The following HOMER1 variants were observed in gnomAD, a reference collection of about 807,000 sequenced individuals.
HOMER1 encodes homer protein homolog 1.
In HOMER1, 3 loss-of-function variants were observed where a neutral mutation model predicts 48.9. That is an observed-to-expected ratio of 0.06 (90% confidence interval 0.03 to 0.16). The LOEUF (loss-of-function observed/expected upper bound fraction) is 0.16. Ranked by LOEUF, HOMER1 falls within the 10% of genes least tolerant of loss-of-function variation. The pLI is 1.00. For missense variants in HOMER1, 247 were observed against 411.4 expected (o/e 0.60, Z 3.46); for synonymous variants, 134 against 146.4 (o/e 0.92, Z 0.61).
At chr5:79,456,510 T>G (rs909649724) in intron 2 of HOMER1, among the ~76,000 whole-genome samples, 1 of 152,206 alleles carries the variant, frequency 6.6e-6, no homozygotes, top group African/African-American at 2.4e-5. Context: ...AGCAGTATAT[T>G]TGAAAAGAAT....
Position 79,376,081 on chromosome 5 carries a change from T to G in HOMER1, c.993A>C (p.Glu331Asp). ...AFRNNLKTLL[E>D]ILDGKIFELT... Reference sequence around the variant, plus strand: ...GTTCAAATATCTTTCCATCCAGAATTTCTAAGAGTGTCTTCAGGTTATTGC... The same window carrying G: ...GTTCAAATATCTTTCCATCCAGAATGTCTAAGAGTGTCTTCAGGTTATTGC... The change falls in exon 9 of 9, where the codon GAA (glutamate) becomes GAC (aspartate). Residue 331 changes from glutamate (E) to aspartate (D), a missense_variant. Physicochemically the swap from Glu to Asp is conservative, Grantham distance 45 (BLOSUM62 2). Transcript: ENST00000334082. 6.2e-7 allele frequency: 1 copy of G among 1,613,806 alleles called. No individual in the cohort carries two copies.
intron 8 of HOMER1, among the ~76,000 whole-genome samples, chr5:79,394,081 T>C (rs1749318951): frequency 6.6e-6 from 1 of 152,204 alleles, no homozygotes; most frequent in Non-Finnish European, 1.5e-5. Context: ...ATGTTTTTCA[T>C]AGACATTTAT....
chr5:79,383,789 C>T (rs930850129), intron 8 of HOMER1, among the ~76,000 whole-genome samples: 4 of 152,144 alleles, frequency 2.6e-5, no homozygotes, highest in South Asian at 2.1e-4. Context: ...TTTTAAAAAT[C>T]GAAATCGTAT....
At chr5:79,470,761 A>C (rs1412908106) in intron 1 of HOMER1, among the ~76,000 whole-genome samples, 1 of 152,200 alleles carries the variant, frequency 6.6e-6, no homozygotes, top group Non-Finnish European at 1.5e-5. Context: ...AAATTAGTAA[A>C]GTCTTTCTGA....
chr5:79,442,687 A>C (rs6453450), intron 4 of HOMER1, among the ~76,000 whole-genome samples: 58,242 of 152,132 alleles, frequency 0.38, 11,921 homozygotes, highest in East Asian at 0.62. Flanking sequence ...TGGAAGACTC[A>C]GTCCATTCCA....
chr5:79,475,181 C>CTA (rs897375207), intron 1 of HOMER1, among the ~76,000 whole-genome samples: 1 of 151,762 alleles, frequency 6.6e-6, no homozygotes, highest in Admixed American at 6.6e-5. Context: ...GAAATGATTA[C>CTA]TATCCCATCC....
intron 5 of HOMER1, 59 bp from the exon 6 acceptor site, chr5:79,402,114 G>A: frequency 1.5e-6 from 2 of 1,378,078 alleles, no homozygotes; most frequent in South Asian, 2.5e-5. Context: ...ACCTTGAAGG[G>A]ACAGCAAGAC....
At chr5:79,413,592 C>T (rs1024251414) in intron 5 of HOMER1, among the ~76,000 whole-genome samples, 3 of 151,944 alleles carry the variant, frequency 2.0e-5, no homozygotes, top group Admixed American at 2.0e-4. Context: ...CCCCCACCCC[C>T]TACCCCCATA....
chr5:79,437,179 A>C (rs1013744604), intron 5 of HOMER1, among the ~76,000 whole-genome samples: 1 of 152,202 alleles, frequency 6.6e-6, no homozygotes, highest in African/African-American at 2.4e-5. Flanking sequence ...TGCATAAAGT[A>C]AACTAGAAAT....
At chr5:79,464,440 G>T (rs1331758033) in intron 1 of HOMER1, among the ~76,000 whole-genome samples, 2 of 152,204 alleles carry the variant, frequency 1.3e-5, no homozygotes, top group Non-Finnish European at 2.9e-5. Flanking sequence ...GAATGACAAG[G>T]ATAAGTCCAG....
chr5:79,452,542 T>A (rs1055278610), intron 2 of HOMER1, among the ~76,000 whole-genome samples: 2 of 152,214 alleles, frequency 1.3e-5, no homozygotes, highest in Non-Finnish European at 2.9e-5. Context: ...AAGCATTTTC[T>A]GAACTAAATT....
chr5:79,393,333 G>C (rs1749301548), intron 8 of HOMER1, among the ~76,000 whole-genome samples: 1 of 152,172 alleles, frequency 6.6e-6, no homozygotes, highest in South Asian at 2.1e-4. Context: ...CTTAAATTGG[G>C]AAGTCAGAGA....
At chr5:79,406,929 C>CA (rs35736541) in intron 5 of HOMER1, among the ~76,000 whole-genome samples, 71,664 of 151,958 alleles carry the variant, frequency 0.47, 19,926 homozygotes, top group African/African-American at 0.77. Context: ...TGAGGCTGGA[C>CA]AAAAACAACA....
chr5:79,495,446 C>T (rs547245480), intron 1 of HOMER1, among the ~76,000 whole-genome samples: 2 of 152,342 alleles, frequency 1.3e-5, no homozygotes, highest in East Asian at 3.8e-4. Context: ...GAGGTGGGCA[C>T]TTCCTTCTCT....
intron 1 of HOMER1, among the ~76,000 whole-genome samples, chr5:79,503,139 G>A (rs1234162857): frequency 6.6e-6 from 1 of 152,114 alleles, no homozygotes; most frequent in Non-Finnish European, 1.5e-5. Context: ...ATTGTTGACT[G>A]GAAACCTTAT....
At chr5:79,447,294 G>T (rs928907053) in intron 3 of HOMER1, 149 bp from the exon 4 acceptor site, 1 of 597,362 alleles carries the variant, frequency 1.7e-6, no homozygotes. Flanking sequence ...ATATGAAAAT[G>T]ACAGGAAATG....
At chr5:79,447,257 T>C in intron 3 of HOMER1, 112 bp from the exon 4 acceptor site, 1 of 654,786 alleles carries the variant, frequency 1.5e-6, no homozygotes. Flanking sequence ...ACAAGCAATA[T>C]AGCCTCCAAA....
chr5:79,447,197 C>G (rs1213732636), intron 3 of HOMER1, 52 bp from the exon 4 acceptor site: 1 of 1,039,420 alleles, frequency 9.6e-7, no homozygotes, highest in Non-Finnish European at 1.5e-6. Flanking sequence ...GGTCACAGTG[C>G]CCACTTTTAC....
chr5:79,477,516 A>G (rs1751817171), intron 1 of HOMER1, among the ~76,000 whole-genome samples: 1 of 152,198 alleles, frequency 6.6e-6, no homozygotes, highest in African/African-American at 2.4e-5. Flanking sequence ...TTTTTTTTAG[A>G]TCACAAACTT....
Sources: allele counts gnomAD v4.1 joint callset (sites outside exome capture counted in the v4.1 genomes callset), GRCh38; gene constraint gnomAD v4.1.1; transcripts MANE v1.5; gene names NCBI Gene and HGNC (gene_info 2026-07-23, HGNC 2026-07-21).